PLEKHA7: variants seen among roughly 807,000 people sequenced by gnomAD.
PLEKHA7 encodes pleckstrin homology domain containing A7.
Under a neutral mutation model 170.0 loss-of-function variants are expected in PLEKHA7, and 104 were observed. The observed-to-expected ratio is 0.61, with a 90% confidence interval of 0.52 to 0.72. The LOEUF is 0.72. Among genes scored for constraint, PLEKHA7 ranks in the 30% least tolerant of loss-of-function variants. The pLI is 0.00. For synonymous variants in PLEKHA7, 648 were observed against 660.8 expected, an observed-to-expected ratio of 0.98 and a Z score of 0.30; for missense variants, 1,615 against 1,671.7, an observed-to-expected ratio of 0.97 and a Z score of 0.59.
At chr11:16,804,353 G>A (rs935057134) in intron 13 of PLEKHA7, among the ~76,000 whole-genome samples, 58 of 152,316 alleles carry the variant, frequency 3.8e-4, no homozygotes, top group African/African-American at 1.3e-3. Flanking sequence ...CTGCTGGAGA[G>A]AGAGGTGTAG....
chr11:16,867,078 A>G (rs1854454113), intron 4 of PLEKHA7, among the ~76,000 whole-genome samples: 1 of 151,934 alleles, frequency 6.6e-6, no homozygotes, highest in Non-Finnish European at 1.5e-5. Flanking sequence ...GAATGGATGG[A>G]CACTTGGGGG....
chr11:16,843,773 C>A (rs1235201681), intron 8 of PLEKHA7, among the ~76,000 whole-genome samples: 2 of 152,008 alleles, frequency 1.3e-5, no homozygotes, highest in Non-Finnish European at 2.9e-5. Flanking sequence ...CCCATCTCTA[C>A]TAAAAATAAA....
chr11:16,874,235 A>G (rs1347561463), intron 3 of PLEKHA7, among the ~76,000 whole-genome samples: 1 of 152,184 alleles, frequency 6.6e-6, no homozygotes, highest in Non-Finnish European at 1.5e-5. Context: ...GCACAGGTGC[A>G]GTGGCTCACA....
intron 3 of PLEKHA7, among the ~76,000 whole-genome samples, chr11:16,973,195 CA>C (rs1207045309): frequency 6.6e-6 from 1 of 152,210 alleles, no homozygotes; most frequent in Non-Finnish European, 1.5e-5. Flanking sequence ...AGGCACTTGC[CA>C]AGCCCCAGAT....
chr11:16,785,863 C>G (rs1220372477), intron 24 of PLEKHA7, among the ~76,000 whole-genome samples: 1 of 152,184 alleles, frequency 6.6e-6, no homozygotes, highest in African/African-American at 2.4e-5. Context: ...CCTGGTGTTG[C>G]AGGGAACATT....
At chr11:16,874,301 G>GT (rs1198481705) in intron 3 of PLEKHA7, among the ~76,000 whole-genome samples, 1 of 152,136 alleles carries the variant, frequency 6.6e-6, no homozygotes, top group Non-Finnish European at 1.5e-5. Context: ...AAGCCCAGGA[G>GT]TTTGAGTTCA....
intron 10 of PLEKHA7, among the ~76,000 whole-genome samples, chr11:16,822,423 G>A (rs954987848): frequency 3.4e-5 from 5 of 148,900 alleles, no homozygotes; most frequent in African/African-American, 1.0e-4. Flanking sequence ...CAAAAGACCC[G>A]TGAGGTTCTG....
At chr11:16,848,108 AGAG>A (rs957330063) in intron 8 of PLEKHA7, among the ~76,000 whole-genome samples, 1 of 152,348 alleles carries the variant, frequency 6.6e-6, no homozygotes, top group African/African-American at 2.4e-5. Context: ...GCAGAAGTGG[AGAG>A]GAGGAGATGA....
intron 9 of PLEKHA7, among the ~76,000 whole-genome samples, chr11:16,833,214 C>G (rs1851255010): frequency 6.6e-6 from 1 of 152,158 alleles, no homozygotes; most frequent in Admixed American, 6.5e-5. Flanking sequence ...TGATGACACC[C>G]TCCACAATCC....
intron 3 of PLEKHA7, among the ~76,000 whole-genome samples, chr11:16,888,068 C>G (rs1326356426): frequency 1.3e-5 from 2 of 150,176 alleles, no homozygotes; most frequent in Non-Finnish European, 3.0e-5. Context: ...AGGTGAGGAG[C>G]GTCTCTGCCC....
chr11:16,935,172 C>T (rs941217708), intron 3 of PLEKHA7, among the ~76,000 whole-genome samples: 4 of 152,166 alleles, frequency 2.6e-5, no homozygotes, highest in East Asian at 3.9e-4. Flanking sequence ...TGGTGGCTCA[C>T]GCCTGTAATC....
intron 3 of PLEKHA7, among the ~76,000 whole-genome samples, chr11:16,976,706 G>A (rs1863087175): frequency 6.6e-6 from 1 of 152,146 alleles, no homozygotes; most frequent in South Asian, 2.1e-4. Context: ...CCCTCTATTG[G>A]CACAACCAAG....
At chr11:16,925,893 G>A (rs894522428) in intron 3 of PLEKHA7, among the ~76,000 whole-genome samples, 21 of 152,242 alleles carry the variant, frequency 1.4e-4, no homozygotes, top group African/African-American at 5.1e-4. Flanking sequence ...GCTGCAAGTG[G>A]GAGGGGTAGA....
At chr11:16,990,502 C>G (rs774372975) in intron 3 of PLEKHA7, among the ~76,000 whole-genome samples, 8 of 152,138 alleles carry the variant, frequency 5.3e-5, no homozygotes, top group Non-Finnish European at 1.2e-4. Flanking sequence ...TTCCTTGGAG[C>G]CTTTCTCAGT....
intron 10 of PLEKHA7, among the ~76,000 whole-genome samples, chr11:16,821,607 G>A (rs967915798): frequency 2.6e-5 from 4 of 152,118 alleles, no homozygotes; most frequent in Non-Finnish European, 5.9e-5. Flanking sequence ...TTGATGATAT[G>A]CAAAGCAGAG....
At chr11:16,998,842 G>GA (rs5789967) in intron 3 of PLEKHA7, among the ~76,000 whole-genome samples, 7 of 149,242 alleles carry the variant, frequency 4.7e-5, no homozygotes, top group East Asian at 2.0e-4. Context: ...AAAATGTGTT[G>GA]AAAAAAAAAA....
chr11:17,012,378 C>T (rs1451701764), intron 3 of PLEKHA7, among the ~76,000 whole-genome samples: 1 of 152,176 alleles, frequency 6.6e-6, no homozygotes, highest in Non-Finnish European at 1.5e-5. Flanking sequence ...CTCTTTTCTG[C>T]CTTAAGCCCT....
chr11:16,926,609 C>T (rs1431772924), intron 3 of PLEKHA7, among the ~76,000 whole-genome samples: 2 of 152,154 alleles, frequency 1.3e-5, no homozygotes, highest in Non-Finnish European at 2.9e-5. Context: ...TCTTGGCAGT[C>T]AAGAAAGGAT....
intron 3 of PLEKHA7, among the ~76,000 whole-genome samples, chr11:16,959,220 C>T (rs1170135438): frequency 5.7e-5 from 2 of 34,842 alleles, no homozygotes; most frequent in Non-Finnish European, 1.3e-4. Flanking sequence ...TATCTTTCTG[C>T]TCCCCTCTCT....
Sources: gnomAD v4.1 joint callset for allele counts (sites outside exome capture counted in the v4.1 genomes callset) on GRCh38, gnomAD v4.1.1 for gene constraint, MANE v1.5 for transcripts, NCBI Gene and HGNC (gene_info 2026-07-23, HGNC 2026-07-21) for gene names.